Variants in SNTG1 observed in about 807,000 individuals in gnomAD.
SNTG1 encodes the protein gamma-1-syntrophin.
In SNTG1, 39 loss-of-function variants were observed where a neutral mutation model predicts 74.7. The ratio of observed to expected loss-of-function variants is 0.52; its 90% CI spans 0.40 to 0.68. The LOEUF is 0.68. SNTG1 is among the 30% of genes least tolerant of loss of function. SNTG1 has a pLI of 0.00. For synonymous variants in SNTG1, 254 were observed against 217.1 expected (o/e 1.17, Z -1.49); for missense variants, 685 against 609.5 (o/e 1.12, Z -1.30).
At chr8:50,454,103 C>G (rs1021117352) in intron 8 of SNTG1, among the ~76,000 whole-genome samples, 4 of 152,200 alleles carry the variant, frequency 2.6e-5, no homozygotes, top group East Asian at 3.9e-4. Flanking sequence ...TGATGCTATT[C>G]TCCTTACCAC....
intron 2 of SNTG1, among the ~76,000 whole-genome samples, chr8:50,304,066 C>T (rs77084666): frequency 0.016 from 2,453 of 152,190 alleles, 67 homozygotes; most frequent in African/African-American, 0.056. Context: ...ATTTAATTAC[C>T]ATATGATGGA....
intron 15 of SNTG1, among the ~76,000 whole-genome samples, chr8:50,681,297 T>TA: frequency 6.6e-6 from 1 of 152,214 alleles, no homozygotes; most frequent in South Asian, 2.1e-4. Flanking sequence ...AGTTTTTTTT[T>TA]AAATGTCATT....
At chr8:50,721,147 G>C (rs1185754142) in intron 17 of SNTG1, among the ~76,000 whole-genome samples, 1 of 152,080 alleles carries the variant, frequency 6.6e-6, no homozygotes, top group Non-Finnish European at 1.5e-5. Flanking sequence ...TTACAGTTTT[G>C]AATGGTCTGC....
At chr8:50,674,224 T>A (rs1444842300) in intron 15 of SNTG1, among the ~76,000 whole-genome samples, 1 of 152,130 alleles carries the variant, frequency 6.6e-6, no homozygotes, top group Admixed American at 6.6e-5. Context: ...CCTTTTGGAT[T>A]GTTTGGAATA....
intron 2 of SNTG1, among the ~76,000 whole-genome samples, chr8:50,254,807 C>T (rs920902620): frequency 2.7e-5 from 4 of 149,962 alleles, no homozygotes; most frequent in Middle Eastern, 3.4e-3. Context: ...GATTGAGCCA[C>T]GAGCCACTGC....
intron 1 of SNTG1, among the ~76,000 whole-genome samples, chr8:50,113,323 G>C (rs1036257777): frequency 6.6e-6 from 1 of 152,124 alleles, no homozygotes; most frequent in Non-Finnish European, 1.5e-5. Context: ...CACATCCCTT[G>C]TAAGTTGGAT....
At chr8:50,599,456 T>C (rs959575459) in intron 13 of SNTG1, among the ~76,000 whole-genome samples, 5 of 152,146 alleles carry the variant, frequency 3.3e-5, no homozygotes, top group African/African-American at 1.2e-4. Context: ...TTGGGTAGTA[T>C]GGACATTTTA....
At chr8:50,717,336 C>A (rs1212840940) in intron 17 of SNTG1, among the ~76,000 whole-genome samples, 1 of 151,798 alleles carries the variant, frequency 6.6e-6, no homozygotes, top group Non-Finnish European at 1.5e-5. Context: ...TTTAGTTTAC[C>A]TTTGCTTAAA....
intron 1 of SNTG1, among the ~76,000 whole-genome samples, chr8:50,057,776 G>A (rs571810035): frequency 2.6e-5 from 4 of 152,026 alleles, no homozygotes; most frequent in Admixed American, 6.6e-5. Context: ...ACAGGACTTG[G>A]TTAGGCCCTT....
chr8:50,763,908 A>AC (rs2095606764), intron 18 of SNTG1, among the ~76,000 whole-genome samples: 1 of 112,840 alleles, frequency 8.9e-6, no homozygotes, highest in African/African-American at 6.1e-5. Context: ...CACACACACA[A>AC]AAATAACCAA....
intron 1 of SNTG1, among the ~76,000 whole-genome samples, chr8:49,934,083 T>C (rs569583811): frequency 1.3e-5 from 2 of 152,326 alleles, no homozygotes; most frequent in South Asian, 2.1e-4. Flanking sequence ...GATGAGTGTG[T>C]GGACGTAAGT....
chr8:50,562,044 C>G (rs1042371777), intron 12 of SNTG1, among the ~76,000 whole-genome samples: 1 of 152,158 alleles, frequency 6.6e-6, no homozygotes, highest in African/African-American at 2.4e-5. Flanking sequence ...TTTAAAGACT[C>G]CTAAAATTTT....
rs77858911 is a variant in SNTG1 at position 50,769,476 on chromosome 8, T to C, written c.1395+17365T>C. Among the ~76,000 whole-genome samples, 386 of 152,170 alleles carry C rather than the reference T, an allele frequency of 2.5e-3. 2 individuals are homozygous for C. The highest frequency in any genetic ancestry group is 9.0e-3 in the African/African-American group (373 of 41,566). On this transcript the variant is annotated intron_variant, in intron 18 of 18. Coordinates refer to ENST00000642720, the MANE Select transcript of SNTG1 (RefSeq NM_018967.5). Reference sequence around the variant, plus strand: ...AGTGTAGTAACCAAGTACTGTATTATGTTCTCATAGTAAGGTAATTGTAAC... The same window carrying C: ...AGTGTAGTAACCAAGTACTGTATTACGTTCTCATAGTAAGGTAATTGTAAC...
chr8:50,602,352 A>T (rs528874441), intron 13 of SNTG1, among the ~76,000 whole-genome samples: 72 of 152,292 alleles, frequency 4.7e-4, no homozygotes, highest in African/African-American at 1.6e-3. Context: ...TTTTAAACTA[A>T]TGACAACTTA....
At chr8:50,172,111 C>T (rs2082828907) in intron 1 of SNTG1, among the ~76,000 whole-genome samples, 1 of 152,178 alleles carries the variant, frequency 6.6e-6, no homozygotes, top group Admixed American at 6.5e-5. Context: ...CACCATAAAA[C>T]TGAGTTAACA....
intron 18 of SNTG1, among the ~76,000 whole-genome samples, chr8:50,786,091 T>A (rs2095674307): frequency 6.6e-6 from 1 of 151,970 alleles, no homozygotes; most frequent in Non-Finnish European, 1.5e-5. Context: ...TAGCCAAGGA[T>A]AGATGATACA....
intron 15 of SNTG1, among the ~76,000 whole-genome samples, chr8:50,676,372 G>A (rs2095309709): frequency 6.6e-6 from 1 of 151,846 alleles, no homozygotes. Flanking sequence ...TCAGCAAGGT[G>A]GTCTCCAAAC....
chr8:50,552,910 T>A, intron 11 of SNTG1, 140 bp from the exon 12 acceptor site: 1 of 986,818 alleles, frequency 1.0e-6, no homozygotes, highest in South Asian at 1.9e-5. Context: ...GAGATGCTTA[T>A]AAAGTCAGGT....
chr8:50,766,026 T>C (rs2095612630), intron 18 of SNTG1, among the ~76,000 whole-genome samples: 1 of 151,964 alleles, frequency 6.6e-6, no homozygotes, highest in African/African-American at 2.4e-5. Flanking sequence ...AAATATAAAA[T>C]ACCTGTAAAC....
Sources: gnomAD v4.1 joint callset for allele counts (sites outside exome capture counted in the v4.1 genomes callset) on GRCh38, gnomAD v4.1.1 for gene constraint, MANE v1.5 for transcripts, NCBI Gene and HGNC (gene_info 2026-07-23, HGNC 2026-07-21) for gene names.